Variants in DHRS7 observed in about 807,000 individuals in gnomAD.
The protein encoded by DHRS7 is dehydrogenase/reductase SDR family member 7.
In DHRS7, 34 loss-of-function variants were observed where a neutral mutation model predicts 38.9. The observed-to-expected ratio is 0.87, with a 90% CI of 0.66 to 1.16. The LOEUF (loss-of-function observed/expected upper bound fraction) is 1.16, where lower values mean the gene tolerates loss of function less well. DHRS7 is among the 50% of genes most tolerant of loss of function. The probability of loss-of-function intolerance (pLI) is 0.00; values close to 1 mark genes in which losing one functional copy is unlikely to be tolerated. For synonymous variants in DHRS7, 158 were observed against 153.1 expected (o/e 1.03, Z -0.24); for missense variants, 421 against 407.0 (o/e 1.03, Z -0.30).
chr14:60,149,758 A>T (rs1896496961), intron 5 of DHRS7, among the ~76,000 whole-genome samples, 190 bp from the exon 6 acceptor site: 1 of 152,024 alleles, frequency 6.6e-6, no homozygotes, highest in African/African-American at 2.4e-5. Flanking sequence ...CAGAAACCAT[A>T]TGCTTACTAG....
At position 60,149,431 on chromosome 14, in the gene DHRS7, C is replaced by A. The variant is rs940548010; in HGVS notation, c.894G>T (p.Trp298Cys). The A allele has an allele frequency of 6.2e-7, 1 of 1,614,140 alleles. No individual in the cohort carries two copies. The highest frequency in any genetic ancestry group is 8.5e-7 in the Non-Finnish European group (1 of 1,180,024). The change falls in exon 6 of 7, where the codon TGG becomes TGT. Residue 298 changes from tryptophan to cysteine, a missense_variant. Physicochemically the swap from Trp to Cys is radical, Grantham distance 215. Transcript: ENST00000557185. Reference protein sequence around the residue: ...EQPFLLVTYLWQYMPTWAWWI... With the variant: ...EQPFLLVTYLCQYMPTWAWWI... ...ACCAGGCCCAGGTTGGCATGTATTG[C>A]CACAAATATGTTACTAACAAGAAAG... is the stretch of plus-strand genomic sequence containing the variant.
intron 6 of DHRS7, 76 bp downstream of exon 6, chr14:60,149,277 T>C: frequency 1.4e-6 from 2 of 1,475,158 alleles, no homozygotes; most frequent in Non-Finnish European, 1.9e-6. Flanking sequence ...CCAGAAAGTT[T>C]TTTAAACACT....
Position 60,144,984 on chromosome 14 carries a change from A to G in DHRS7, c.1002T>C (p.Phe334=), listed in dbSNP as rs1053032670. The part of the protein sequence containing the change: ...VDADSSYFKI[F]KTKHD The stretch of plus-strand genomic sequence containing the variant: ...GCTCTTTTCAGTCATGTTTTGTCTT[A>G]AAGATTTTAAAATAAGAAGAGTCTG... Residue 334 remains phenylalanine (F), a synonymous_variant, in exon 7 of 7, where the codon TTT becomes TTC. Transcript: ENST00000557185. The G allele has an allele frequency of 5.0e-6, 8 of 1,602,840 alleles. No individual in the cohort carries two copies. Among genetic ancestry groups the G allele is most frequent in the African/African-American group, 4.1e-5 (3 of 73,464 alleles).
intron 6 of DHRS7, chr14:60,147,976 C>T (rs374921121): frequency 6.6e-6 from 1 of 152,216 alleles, no homozygotes; most frequent in Non-Finnish European, 1.5e-5. Flanking sequence ...ACCCACACTA[C>T]CAAGTCCCAA....
intron 2 of DHRS7, among the ~76,000 whole-genome samples, chr14:60,155,141 G>A (rs1896631274): frequency 6.6e-6 from 1 of 152,132 alleles, no homozygotes; most frequent in Non-Finnish European, 1.5e-5. Flanking sequence ...CTTTATACTT[G>A]AAGTTGCTTT....
chr14:60,163,445 C>A (rs895138892), intron 1 of DHRS7, among the ~76,000 whole-genome samples: 1 of 152,102 alleles, frequency 6.6e-6, no homozygotes, highest in Non-Finnish European at 1.5e-5. Context: ...CATGCCACCA[C>A]GCCAGATTTT....
At chr14:60,165,432 C>T (rs1351105866), upstream of DHRS7, 1 of 1,407,500 alleles carries the variant, frequency 7.1e-7, no homozygotes, top group Non-Finnish European at 9.2e-7. The surrounding 1 kb of genome is among the most constrained non-coding windows in gnomAD (Gnocchi z 4.6). Context: ...CCGGCTCCGC[C>T]CAGGGAGCAG....
At chr14:60,159,192 C>A in intron 1 of DHRS7, 1 of 358,986 alleles carries the variant, frequency 2.8e-6, no homozygotes. Context: ...CAAGATCTCC[C>A]TGTCAGAGGA....
At chr14:60,163,912 G>A (rs953326103) in intron 1 of DHRS7, among the ~76,000 whole-genome samples, 1 of 152,184 alleles carries the variant, frequency 6.6e-6, no homozygotes, top group African/African-American at 2.4e-5. Flanking sequence ...CCCCCGCTGA[G>A]GTGGAACAAT....
At chr14:60,155,184 C>T (rs1282406297) in intron 2 of DHRS7, among the ~76,000 whole-genome samples, 1 of 152,092 alleles carries the variant, frequency 6.6e-6, no homozygotes, top group Admixed American at 6.5e-5. Context: ...TGCGGTGGCT[C>T]ACACCTGTAA....
chr14:60,165,596 A>G, upstream of DHRS7: 1 of 1,215,274 alleles, frequency 8.2e-7, no homozygotes, highest in Non-Finnish European at 1.0e-6. The surrounding 1 kb of genome is among the most constrained non-coding windows in gnomAD (Gnocchi z 4.6). Flanking sequence ...AACATGAGGA[A>G]ACCCTGTGTC....
At chr14:60,165,476 T>C (rs1260276846), upstream of DHRS7, 1 of 1,345,946 alleles carries the variant, frequency 7.4e-7, no homozygotes, top group African/African-American at 1.6e-5. The surrounding 1 kb of genome is among the most constrained non-coding windows in gnomAD (Gnocchi z 4.6). Context: ...CGCGCCGGGC[T>C]CAGCACTCGC....
In DHRS7 at chr14:60,153,131, G is replaced by A. The variant is rs1896583859; in HGVS notation, c.441C>T (p.Cys147=). 1 of 1,614,138 alleles carries A rather than the reference G, an allele frequency of 6.2e-7. No individual in the cohort carries two copies. Among genetic ancestry groups the A allele is most frequent in the Non-Finnish European group, 8.5e-7 (1 of 1,180,008 alleles). Residue 147 remains cysteine (C), a synonymous_variant, in exon 4 of 7, where the codon TGC becomes TGT. Transcript: ENST00000557185. The surrounding 1 kb of genome is among the most constrained non-coding windows in gnomAD (Gnocchi z 4.4). ...TGTAGACATCCAAGCTGGTATCCAT[G>A]CACAGAGAACGCTGGGACATTCCAC... ...NNGGMSQRSL[C]MDTSLDVYRK... is the part of the protein sequence containing the mutation.
rs372025828 is a variant in DHRS7, at chr14:60,152,863, C to T, written c.633+76G>A. On this transcript the variant is annotated intron_variant, in intron 4 of 6. Coordinates refer to ENST00000557185, the MANE Select transcript of DHRS7 (RefSeq NM_016029.4). Reference sequence around the variant, plus strand: ...CCACATCACTTCCAGTTCCAAGGACCTCACACAGTGATGGCCATATCCCCC... The same window carrying T: ...CCACATCACTTCCAGTTCCAAGGACTTCACACAGTGATGGCCATATCCCCC... The T allele has an allele frequency of 1.5e-5, 23 of 1,539,052 alleles. No individual in the cohort carries two copies. In the African/African-American group the frequency reaches 2.6e-4, roughly 17 times the overall value.
intron 1 of DHRS7, among the ~76,000 whole-genome samples, chr14:60,163,561 A>G (rs999628770): frequency 6.6e-6 from 1 of 152,256 alleles, no homozygotes; most frequent in African/African-American, 2.4e-5. Flanking sequence ...ATGTAATTAA[A>G]TTTAAAATCC....
In DHRS7 at chr14:60,150,188, C is replaced by G. The variant is rs375676044; in HGVS notation, c.634-1G>C. 6 of 1,392,720 alleles carry G rather than the reference C, an allele frequency of 4.3e-6. No homozygotes were observed. Among genetic ancestry groups the G allele is most frequent in the Non-Finnish European group, 4.6e-6 (5 of 1,078,364 alleles). The allele number at this position is 1,392,720 out of a possible 1,614,324, so 86.3% of individuals were successfully genotyped here. ...CTGTTCGAAGGCCATTAAAAAAACCCTAACAGACAAAAAAAAAAAAAAAGG... is the reference window on the plus strand; with the variant it reads ...CTGTTCGAAGGCCATTAAAAAAACCGTAACAGACAAAAAAAAAAAAAAAGG... On this transcript the variant is annotated splice_acceptor_variant, in intron 4 of 6. Coordinates refer to ENST00000557185, the MANE Select transcript of DHRS7 (RefSeq NM_016029.4). LOFTEE classifies it high-confidence loss of function.
intron 4 of DHRS7, among the ~76,000 whole-genome samples, chr14:60,152,018 A>G (rs1451749442): frequency 6.6e-6 from 1 of 152,234 alleles, no homozygotes; most frequent in Non-Finnish European, 1.5e-5. Context: ...AATCATCAGT[A>G]TAGCATTCCG....
upstream of DHRS7, chr14:60,165,515 G>C: frequency 1.6e-6 from 2 of 1,287,732 alleles, no homozygotes; most frequent in Non-Finnish European, 2.0e-6. The surrounding 1 kb of genome is among the most constrained non-coding windows in gnomAD (Gnocchi z 4.6). Context: ...TGGGCGGCCC[G>C]CGCCCTCATG....
intron 2 of DHRS7, 42 bp downstream of exon 2, chr14:60,155,958 T>C: frequency 4.1e-6 from 6 of 1,457,874 alleles, no homozygotes; most frequent in Non-Finnish European, 5.5e-6. Flanking sequence ...TTTGGACTGA[T>C]TTATTTCTAG....
Sources: gnomAD v4.1 joint callset for allele counts (sites outside exome capture counted in the v4.1 genomes callset) on GRCh38, gnomAD v4.1.1 for gene constraint, Gnocchi (gnomAD v3.1) non-coding constraint, MANE v1.5 for transcripts, NCBI Gene and HGNC (gene_info 2026-07-23, HGNC 2026-07-21) for gene names.